Variants in ZNF492 observed in about 807,000 individuals in gnomAD.
ZNF492 encodes the protein zinc finger protein 492, also known as zinc finger protein 115 (Y20).
In ZNF492, 3 loss-of-function variants were observed where a neutral mutation model predicts 6.4. The observed-to-expected ratio is 0.47, with a 90% CI of 0.21 to 1.22. The LOEUF is 1.22. Among genes scored for constraint, ZNF492 ranks in the 50% most tolerant of loss-of-function variants. The pLI is 0.22. For missense variants in ZNF492, 356 were observed against 612.5 expected, an observed-to-expected ratio of 0.58 and a Z score of 4.42; for synonymous variants, 112 against 205.3, an observed-to-expected ratio of 0.55 and a Z score of 3.89.
intron 2 of ZNF492, 94 bp downstream of exon 2, chr19:22,653,527 ATC>A: frequency 1.5e-6 from 2 of 1,341,772 alleles, no homozygotes; most frequent in Non-Finnish European, 2.0e-6. Flanking sequence ...ATGCTTTCAG[ATC>A]TCTGTTTTTT....
intron 1 of ZNF492, among the ~76,000 whole-genome samples, chr19:22,652,572 A>C (rs1309824025): frequency 6.8e-6 from 1 of 146,832 alleles, no homozygotes; most frequent in Non-Finnish European, 1.5e-5. Flanking sequence ...TTTTATTCCA[A>C]ATTTTCTTTT....
chr19:22,637,198 C>G (rs748603963), intron 1 of ZNF492, among the ~76,000 whole-genome samples: 10 of 151,466 alleles, frequency 6.6e-5, no homozygotes, highest in Admixed American at 2.6e-4. Flanking sequence ...AGGCTGGTCT[C>G]GAATTCCTGA....
intron 1 of ZNF492, among the ~76,000 whole-genome samples, chr19:22,640,956 G>T (rs1346391755): frequency 1.3e-5 from 2 of 151,886 alleles, no homozygotes; most frequent in Admixed American, 1.3e-4. Flanking sequence ...CAGTGGTAAT[G>T]TCTCTTTTGT....
At chr19:22,646,959 G>T (rs533425210) in intron 1 of ZNF492, among the ~76,000 whole-genome samples, 2 of 151,886 alleles carry the variant, frequency 1.3e-5, no homozygotes, top group Non-Finnish European at 2.9e-5. Context: ...GTGTAATCTC[G>T]GCTCACCGCA....
chr19:22,647,982 C>T (rs2145250249), intron 1 of ZNF492, among the ~76,000 whole-genome samples: 1 of 151,766 alleles, frequency 6.6e-6, no homozygotes, highest in Non-Finnish European at 1.5e-5. Context: ...GATTTGCCTG[C>T]CTCGGCCTCC....
intron 3 of ZNF492, among the ~76,000 whole-genome samples, chr19:22,658,506 A>G (rs1174857107): frequency 6.9e-6 from 1 of 144,124 alleles, no homozygotes; most frequent in Non-Finnish European, 1.5e-5. Context: ...ACAACTACCA[A>G]TTTTTCCCAT....
At chr19:22,639,579 G>T (rs762855366) in intron 1 of ZNF492, among the ~76,000 whole-genome samples, 1 of 151,740 alleles carries the variant, frequency 6.6e-6, no homozygotes, top group African/African-American at 2.4e-5. Flanking sequence ...GCGTGGTGGC[G>T]CATACCTTTA....
At chr19:22,655,059 G>A (rs111383913) in intron 3 of ZNF492, among the ~76,000 whole-genome samples, 5 of 151,426 alleles carry the variant, frequency 3.3e-5, no homozygotes, top group East Asian at 2.0e-4. Context: ...TTGGGAGGCC[G>A]AGGCAGGCGG....
In ZNF492 at chr19:22,659,561, T is replaced by TACACACACACAC. The variant is rs569041771; in HGVS notation, c.131-4219_131-4208dup. On this transcript the variant is annotated intron_variant, in intron 3 of 3. Transcript: ENST00000456783. ...ATATGTTTGGAGCCCTAATGTGAGA[T>TACACACACACAC]ACACACACACACACACACACACACA... Among the ~76,000 whole-genome samples the TACACACACACAC allele has an allele frequency of 4.6e-3, 644 of 138,672 alleles. 5 individuals are homozygous for TACACACACACAC. The highest frequency in any genetic ancestry group is 0.012 in the African/African-American group (421 of 35,586). 91.0% of individuals were successfully genotyped at this position (138,672 alleles called of 152,430 possible).
intron 1 of ZNF492, among the ~76,000 whole-genome samples, chr19:22,641,970 T>C (rs1224763716): frequency 6.6e-6 from 1 of 151,834 alleles, no homozygotes; most frequent in Non-Finnish European, 1.5e-5. Context: ...ATTTTTTGTG[T>C]TTTTAGTACA....
At position 22,664,114 on chromosome 19, in the gene ZNF492, T is replaced by C; in HGVS notation, c.445T>C (p.Ser149Pro). 1.2e-6 allele frequency: 2 copies of C among 1,604,684 alleles called. No individual in the cohort carries two copies. Among genetic ancestry groups the C allele is most frequent in the Non-Finnish European group, 1.7e-6 (2 of 1,175,068 alleles). ...TTTCAAATGTAAAGAATGTGAAAAG[T>C]CATTTTGCATGCTTTCACACTTAGC... ...KSFKCKECEK[S>P]FCMLSHLAQH... is the part of the protein sequence containing the mutation. Residue 149 changes from serine to proline, a missense_variant, in exon 4 of 4, where the codon TCA becomes CCA. Physicochemically the swap from Ser to Pro is moderately conservative, Grantham distance 74. Transcript: ENST00000456783.
At position 22,652,221 on chromosome 19, in the gene ZNF492, C is replaced by CTTTTTTT. The variant is rs59051481; in HGVS notation, c.-93-1075_-93-1069dup. 7.6e-5 allele frequency among the ~76,000 whole-genome samples: 8 copies of CTTTTTTT among 105,508 alleles called. 2 individuals carry two copies. Among genetic ancestry groups the CTTTTTTT allele is most frequent in the African/African-American group, 2.3e-4 (4 of 17,610 alleles). 69.2% of individuals were successfully genotyped at this position (105,508 alleles called of 152,430 possible). The stretch of plus-strand genomic sequence containing the variant: ...AATCTGGCAGCTGACCTTTCTTAGG[C>CTTTTTTT]TTTTTTTTTTTTTTTTTGAGACGGA... On this transcript the variant is annotated intron_variant, in intron 1 of 3. Transcript: ENST00000456783.
At chr19:22,636,786 AC>A (rs1971770961) in intron 1 of ZNF492, among the ~76,000 whole-genome samples, 1 of 150,268 alleles carries the variant, frequency 6.7e-6, no homozygotes, top group East Asian at 2.0e-4. Context: ...GGCATGCGCC[AC>A]CACGCCCAGC....
At chr19:22,652,773 G>A (rs1217660937) in intron 1 of ZNF492, among the ~76,000 whole-genome samples, 1 of 151,960 alleles carries the variant, frequency 6.6e-6, no homozygotes, top group Admixed American at 6.6e-5. Flanking sequence ...TAGAGACAGG[G>A]TTTCACCGTG....
At chr19:22,635,892 G>T (rs141634465) in intron 1 of ZNF492, among the ~76,000 whole-genome samples, 58 of 151,972 alleles carry the variant, frequency 3.8e-4, no homozygotes, top group Non-Finnish European at 6.2e-4. Flanking sequence ...TTTGGTTCAG[G>T]GGTACACATG....
intron 1 of ZNF492, among the ~76,000 whole-genome samples, chr19:22,641,177 T>C (rs1971822059): frequency 1.3e-5 from 2 of 152,206 alleles, no homozygotes; most frequent in African/African-American, 4.8e-5. Context: ...CTCAGTGTTT[T>C]ATTTATGATG....
chr19:22,664,275 T>C lies in ZNF492; in HGVS notation c.606T>C (p.Cys202=), dbSNP rs1268611055. The part of the protein sequence containing the change: ...TGKKPYKCEE[C]GKAFNRLSHL... ...AGAAACCCTACAAATGCGAAGAGTG[T>C]GGAAAAGCCTTTAACCGGCTCTCAC... The change falls in exon 4 of 4, where the codon TGT becomes TGC. Residue 202 remains cysteine (C), a synonymous_variant. Transcript: ENST00000456783. The C allele has an allele frequency of 6.3e-7, 1 of 1,588,450 alleles. No homozygotes were observed. The highest frequency in any genetic ancestry group is 1.4e-5 in the African/African-American group (1 of 73,690).
chr19:22,642,095 G>A (rs542850764), intron 1 of ZNF492, among the ~76,000 whole-genome samples: 2 of 151,994 alleles, frequency 1.3e-5, no homozygotes, highest in East Asian at 3.9e-4. Context: ...GCCCGGCCAC[G>A]CCCCCATCAG....
intron 3 of ZNF492, among the ~76,000 whole-genome samples, 170 bp from the exon 4 acceptor site, chr19:22,663,630 G>C (rs1033016993): frequency 5.3e-5 from 8 of 152,088 alleles, no homozygotes; most frequent in Non-Finnish European, 1.0e-4. Context: ...TAATTTTTCA[G>C]AAATGTAATT....
Sources: allele counts gnomAD v4.1 joint callset (sites outside exome capture counted in the v4.1 genomes callset), GRCh38; gene constraint gnomAD v4.1.1; transcripts MANE v1.5; gene names NCBI Gene and HGNC (gene_info 2026-07-23, HGNC 2026-07-21).